AGAP5: variants seen among roughly 807,000 people sequenced by gnomAD.
The protein encoded by AGAP5 is ArfGAP with GTPase domain, ankyrin repeat and PH domain 5.
AGAP5 carries 8 observed loss-of-function variants against 27.7 expected under a neutral mutation model. The ratio of observed to expected loss-of-function variants is 0.29; its 90% CI spans 0.17 to 0.52. AGAP5 has a LOEUF of 0.52. Among genes scored for constraint, AGAP5 ranks in the 20% least tolerant of loss-of-function variants. The pLI is 0.97. For synonymous variants in AGAP5, 111 were observed against 338.0 expected (o/e 0.33, Z 7.37); for missense variants, 285 against 880.8 (o/e 0.32, Z 8.56).
In AGAP5 at chr10:73,696,641, A is replaced by AAC. The variant is rs971562275; in HGVS notation, c.292+452_292+453dup. Among the ~76,000 whole-genome samples, 6 of 152,016 alleles carry AAC rather than the reference A, an allele frequency of 3.9e-5. No homozygotes were observed. The East Asian group carries it at 5.8e-4, about 15-fold the overall frequency. On this transcript the variant is annotated intron_variant, in intron 2 of 7. Coordinates refer to ENST00000374094, the MANE Select transcript of AGAP5 (RefSeq NM_001144000.4). ...AGGTAAACTCCTTTGAGAAACCCCA[A>AAC]ACACACACACACAACCATTTTTCTG...
intron 4 of AGAP5, among the ~76,000 whole-genome samples, chr10:73,690,936 C>G (rs1405045284): frequency 6.6e-6 from 1 of 152,154 alleles, no homozygotes; most frequent in Non-Finnish European, 1.5e-5. Flanking sequence ...GCCCCCCAAA[C>G]AAACATAAAA....
intron 2 of AGAP5, among the ~76,000 whole-genome samples, chr10:73,696,043 C>T (rs1166541146): frequency 3.3e-5 from 5 of 151,948 alleles, no homozygotes; most frequent in East Asian, 3.9e-4. Context: ...GACGGAGTCT[C>T]GCTCTGTCAC....
chr10:73,678,490 G>T (rs1165466309), intron 6 of AGAP5, among the ~76,000 whole-genome samples: 1 of 151,846 alleles, frequency 6.6e-6, no homozygotes, highest in African/African-American at 2.4e-5. Flanking sequence ...TGAAAAACTT[G>T]TTCCTTCTAC....
In AGAP5 at chr10:73,674,892, G is replaced by T. The variant is rs747430872; in HGVS notation, c.1768C>A (p.His590Asn). The T allele has an allele frequency of 6.8e-6, 11 of 1,612,186 alleles. No individual in the cohort carries two copies. In the Admixed American group the frequency reaches 1.8e-4, roughly 27 times the overall value. The change falls in exon 8 of 8, where the codon CAC becomes AAC. Residue 590 changes from histidine (H) to asparagine (N), a missense_variant. Physicochemically the swap from His to Asn is moderately conservative, Grantham distance 68 (BLOSUM62 1). Coordinates refer to ENST00000374094, the MANE Select transcript of AGAP5 (RefSeq NM_001144000.4). ...TCATCAGCGGTGGCCCGCAGCAGGTGCTGGCCCAGGGACAGCTCAGTGCAG... is the reference window on the plus strand; with the variant it reads ...TCATCAGCGGTGGCCCGCAGCAGGTTCTGGCCCAGGGACAGCTCAGTGCAG... Reference protein sequence around the residue: ...LPCTELSLGQHLLRATADEDL... With the variant: ...LPCTELSLGQNLLRATADEDL...
At chr10:73,685,833 G>C (rs1047326590) in intron 4 of AGAP5, among the ~76,000 whole-genome samples, 5 of 152,138 alleles carry the variant, frequency 3.3e-5, no homozygotes, top group African/African-American at 4.8e-5. Context: ...TTACAGGTGT[G>C]AGCCACCGTG....
Position 73,697,308 on chromosome 10 carries a change from A to G in AGAP5, c.224-145T>C, listed in dbSNP as rs536939140. 6 of 1,449,522 alleles carry G rather than the reference A, an allele frequency of 4.1e-6. No individual in the cohort carries two copies. In the African/African-American group the frequency reaches 8.5e-5, roughly 20 times the overall value. The allele number at this position is 1,449,522 out of a possible 1,614,324, so 89.8% of individuals were successfully genotyped here. The stretch of plus-strand genomic sequence containing the variant: ...GGGAGAATGAGATGAGAGAGCAAGA[A>G]CTGGGCGATTGGGAGGGGAGGCGAA... On this transcript the variant is annotated intron_variant, in intron 1 of 7. Transcript: ENST00000374094.
At chr10:73,686,512 CAAG>C (rs2082064864) in intron 4 of AGAP5, among the ~76,000 whole-genome samples, 1 of 152,102 alleles carries the variant, frequency 6.6e-6, no homozygotes, top group South Asian at 2.1e-4. Flanking sequence ...ACTTCATGAC[CAAG>C]AACACAAAAG....
rs1185068118 is a variant in AGAP5, at chr10:73,676,438, A to G, written c.585+281T>C. ...GAGGCAGAGCCTGCAGTGAGCCAAG[A>G]TCGCGCGATTGCACTCCAGCCTGGG... On this transcript the variant is annotated intron_variant, in intron 7 of 7. Transcript: ENST00000374094. Among the ~76,000 whole-genome samples the G allele has an allele frequency of 4.9e-5, 7 of 143,170 alleles. No individual in the cohort carries two copies. In the East Asian group the frequency reaches 1.4e-3, roughly 28 times the overall value. 93.9% of individuals were successfully genotyped at this position (143,170 alleles called of 152,430 possible). A position where few individuals can be genotyped will look rare whatever the true frequency, so the allele number is the denominator to read the frequency against.
intron 3 of AGAP5, among the ~76,000 whole-genome samples, chr10:73,694,341 T>G (rs1186745011): frequency 6.6e-6 from 1 of 152,178 alleles, no homozygotes; most frequent in East Asian, 1.9e-4. Flanking sequence ...TTAATTTGTT[T>G]AAATGAAAAC....
chr10:73,694,899 T>G, intron 2 of AGAP5, 95 bp from the exon 3 acceptor site: 1 of 1,592,104 alleles, frequency 6.3e-7, no homozygotes, highest in Middle Eastern at 2.3e-4. Flanking sequence ...GCTATTTCAC[T>G]ATCTCTACTT....
At chr10:73,677,218 C>T (rs867664785) in intron 6 of AGAP5, among the ~76,000 whole-genome samples, 1 of 151,730 alleles carries the variant, frequency 6.6e-6, no homozygotes, top group South Asian at 2.1e-4. Flanking sequence ...ATGACAAACT[C>T]ATCTGCCTTT....
Position 73,697,539 on chromosome 10 carries a change from G to A in AGAP5, c.217C>T (p.Pro73Ser), listed in dbSNP as rs766222955. 1 of 1,612,720 alleles carries A rather than the reference G, an allele frequency of 6.2e-7. No homozygotes were observed. Among genetic ancestry groups the A allele is most frequent in the Admixed American group, 1.7e-5 (1 of 60,008 alleles). ...GCACCTATCACCTCCTTACCTTCAG[G>A]CATCTCCTGGTCACGAATGTGGTGC... Reference protein sequence around the residue: ...HMHHIRDQEMPEALEFSLSAN... With the variant: ...HMHHIRDQEMSEALEFSLSAN... The change falls in exon 1 of 8, where the codon CCT (proline) becomes TCT (serine). Residue 73 changes from proline to serine, a missense_variant. Coordinates refer to ENST00000374094, the MANE Select transcript of AGAP5 (RefSeq NM_001144000.4).
Position 73,674,454 on chromosome 10 carries a change from A to G in AGAP5, c.*145T>C, listed in dbSNP as rs1565000666. ...ATGTCTTATGGTCAGAAAAATCAACATTTTGTGTATTTACTTAGTTTATGA... is the reference window on the plus strand; with the variant it reads ...ATGTCTTATGGTCAGAAAAATCAACGTTTTGTGTATTTACTTAGTTTATGA... On this transcript the variant is annotated 3_prime_UTR_variant, in exon 8 of 8. Transcript: ENST00000374094. 16 of 1,548,284 alleles carry G rather than the reference A, an allele frequency of 1.0e-5. No individual in the cohort carries two copies. The highest frequency in any genetic ancestry group is 1.2e-5 in the South Asian group (1 of 80,182).
At chr10:73,692,537 T>C (rs1282859868) in intron 3 of AGAP5, among the ~76,000 whole-genome samples, 1 of 152,144 alleles carries the variant, frequency 6.6e-6, no homozygotes, top group Non-Finnish European at 1.5e-5. Context: ...TGTAAGCATC[T>C]TGAACCACAC....
intron 4 of AGAP5, among the ~76,000 whole-genome samples, chr10:73,689,947 C>T (rs2082101973): frequency 1.3e-5 from 2 of 150,708 alleles, no homozygotes; most frequent in South Asian, 4.2e-4. Flanking sequence ...AGTGAGGAGC[C>T]CCTCTGCCCG....
chr10:73,693,318 GT>G (rs1487788047), intron 3 of AGAP5, among the ~76,000 whole-genome samples: 1 of 152,234 alleles, frequency 6.6e-6, no homozygotes, highest in Non-Finnish European at 1.5e-5. Context: ...AGTGGGAGGT[GT>G]TTGGGTAATG....
At chr10:73,686,559 C>T (rs1433599265) in intron 4 of AGAP5, among the ~76,000 whole-genome samples, 1 of 152,172 alleles carries the variant, frequency 6.6e-6, no homozygotes, top group Non-Finnish European at 1.5e-5. Context: ...TGAGACTCAA[C>T]TAAAGAGCTT....
At chr10:73,687,312 T>C (rs1421137592) in intron 4 of AGAP5, among the ~76,000 whole-genome samples, 1 of 152,134 alleles carries the variant, frequency 6.6e-6, no homozygotes, top group Non-Finnish European at 1.5e-5. Context: ...TGGAGTGCAG[T>C]GGTGCAATTA....
At position 73,698,081 on chromosome 10, in the gene AGAP5, C is replaced by T. The variant is rs1169716403; in HGVS notation, c.-326G>A. On this transcript the variant is annotated 5_prime_UTR_variant, in exon 1 of 8. Coordinates refer to ENST00000374094, the MANE Select transcript of AGAP5 (RefSeq NM_001144000.4). ...GCCTGAAGAGAGAACAGACGGAGCT[C>T]CTCCTCCTTCTGTAGTCACCTACAG... is the stretch of plus-strand genomic sequence containing the variant. The T allele has an allele frequency of 1.9e-5, 25 of 1,313,566 alleles. No homozygotes were observed. The highest frequency in any genetic ancestry group is 3.9e-6 in the Non-Finnish European group (4 of 1,021,978). The allele number at this position is 1,313,566 out of a possible 1,614,324, so 81.4% of individuals were successfully genotyped here. A position where few individuals can be genotyped will look rare whatever the true frequency, so the allele number is the denominator to read the frequency against.
Sources: allele counts gnomAD v4.1 joint callset (sites outside exome capture counted in the v4.1 genomes callset), GRCh38; gene constraint gnomAD v4.1.1; transcripts MANE v1.5; gene names NCBI Gene and HGNC (gene_info 2026-07-23, HGNC 2026-07-21).